Variants in KDM4C observed in about 807,000 individuals in gnomAD.
KDM4C encodes lysine-specific demethylase 4C.
In KDM4C, 81 loss-of-function variants were observed where a neutral mutation model predicts 129.3. That is an observed-to-expected ratio of 0.63 (90% confidence interval 0.52 to 0.75). The LOEUF is 0.75. KDM4C is among the 30% of genes least tolerant of loss of function. The pLI is 0.00. For synonymous variants in KDM4C, 573 were observed against 456.1 expected, an observed-to-expected ratio of 1.26 and a Z score of -3.26; for missense variants, 1,457 against 1,304.0, an observed-to-expected ratio of 1.12 and a Z score of -1.81.
chr9:6,938,756 A>T (rs183558538), intron 8 of KDM4C, among the ~76,000 whole-genome samples: 1 of 152,244 alleles, frequency 6.6e-6, no homozygotes, highest in Admixed American at 6.5e-5. Flanking sequence ...TATGCAAATC[A>T]TGGTTTTAGG....
At chr9:6,895,577 CA>C (rs1816280307) in intron 8 of KDM4C, among the ~76,000 whole-genome samples, 1 of 152,060 alleles carries the variant, frequency 6.6e-6, no homozygotes, top group Admixed American at 6.6e-5. Context: ...CCTACTACTA[CA>C]GGGGGTACCA....
At chr9:7,057,122 T>C (rs1187495450) in intron 17 of KDM4C, among the ~76,000 whole-genome samples, 3 of 152,244 alleles carry the variant, frequency 2.0e-5, no homozygotes, top group African/African-American at 7.2e-5. Context: ...TGTTTCATAT[T>C]TTAATATAAA....
Position 7,122,261 on chromosome 9 carries a change from A to ACT in KDM4C, c.2611-5804_2611-5803insTC, listed in dbSNP as rs747083483. ...ATGCCACACACACACACACACACAC[A>ACT]CACACTCTCTCTCTCTCTCTCTCTT... On this transcript the variant is annotated intron_variant, in intron 18 of 21. Transcript: ENST00000381309. Among the ~76,000 whole-genome samples, 388 of 137,216 alleles carry ACT rather than the reference A, an allele frequency of 2.8e-3. 2 individuals carry two copies. Among genetic ancestry groups the ACT allele is most frequent in the African/African-American group, 9.0e-3 (317 of 35,030 alleles). 90.0% of individuals were successfully genotyped at this position (137,216 alleles called of 152,430 possible).
At chr9:7,016,578 A>C (rs539386158) in intron 15 of KDM4C, among the ~76,000 whole-genome samples, 1 of 151,314 alleles carries the variant, frequency 6.6e-6, no homozygotes, top group East Asian at 2.0e-4. Flanking sequence ...GGCGCCTGCC[A>C]CCATGCCTGG....
At chr9:7,141,035 T>A (rs1841689743) in intron 19 of KDM4C, among the ~76,000 whole-genome samples, 1 of 152,190 alleles carries the variant, frequency 6.6e-6, no homozygotes. Context: ...CCAGACTGGG[T>A]GGGGCCTTGA....
At chr9:7,146,492 T>C (rs938988027) in intron 19 of KDM4C, among the ~76,000 whole-genome samples, 14 of 152,242 alleles carry the variant, frequency 9.2e-5, no homozygotes, top group African/African-American at 2.9e-4. Context: ...CTCTGGAATA[T>C]AGGAACCATA....
chr9:6,782,546 A>G (rs1193473924), intron 1 of KDM4C, among the ~76,000 whole-genome samples: 5 of 152,198 alleles, frequency 3.3e-5, no homozygotes, highest in Admixed American at 2.6e-4. Flanking sequence ...CACAGAAGGT[A>G]TTCGTAACGG....
At chr9:6,854,476 G>A (rs1839401313) in intron 5 of KDM4C, among the ~76,000 whole-genome samples, 1 of 135,448 alleles carries the variant, frequency 7.4e-6, no homozygotes, top group East Asian at 2.2e-4. Context: ...GGTGAGCTGA[G>A]ATCGCGCCAT....
intron 19 of KDM4C, among the ~76,000 whole-genome samples, chr9:7,134,770 A>G (rs1446886992): frequency 2.6e-5 from 4 of 152,230 alleles, no homozygotes; most frequent in African/African-American, 9.6e-5. Context: ...ATAATCATAG[A>G]ATCTGAAGGC....
chr9:7,134,640 C>CA (rs1841000817), intron 19 of KDM4C, among the ~76,000 whole-genome samples: 1 of 152,170 alleles, frequency 6.6e-6, no homozygotes, highest in African/African-American at 2.4e-5. Flanking sequence ...ATAATATTTA[C>CA]AGAACACAGA....
At chr9:6,905,414 G>A (rs1336642862) in intron 8 of KDM4C, among the ~76,000 whole-genome samples, 10 of 152,154 alleles carry the variant, frequency 6.6e-5, no homozygotes, top group Admixed American at 4.6e-4. Flanking sequence ...TACAACTACA[G>A]CCATTAGTTT....
chr9:6,768,535 C>G (rs1478747706), intron 1 of KDM4C, among the ~76,000 whole-genome samples: 1 of 152,100 alleles, frequency 6.6e-6, no homozygotes, highest in Non-Finnish European at 1.5e-5. Flanking sequence ...GAAATTAACA[C>G]TGATACATTA....
rs527960127 is a variant in KDM4C, at chr9:6,732,141, C to A, written c.49+11144C>A. Among the ~76,000 whole-genome samples the A allele has an allele frequency of 9.4e-3, 1,424 of 151,120 alleles. 12 individuals are homozygous for A. Among genetic ancestry groups the A allele is most frequent in the Non-Finnish European group, 0.012 (836 of 67,784 alleles). On this transcript the variant is annotated intron_variant, in intron 1 of 17. Transcript: ENST00000536108. ...CCAGCACTTGGGAGGCCAAGGTGGG[C>A]GGATCACGAGGTCAGGAGATTGAGA... is the stretch of plus-strand genomic sequence containing the variant.
At chr9:7,004,584 C>T (rs369358251) in intron 12 of KDM4C, among the ~76,000 whole-genome samples, 1 of 152,014 alleles carries the variant, frequency 6.6e-6, no homozygotes, top group Non-Finnish European at 1.5e-5. Context: ...ATAGCTATGC[C>T]ATAATTTATT....
At chr9:7,019,203 T>C (rs1243551232) in intron 15 of KDM4C, among the ~76,000 whole-genome samples, 1 of 152,228 alleles carries the variant, frequency 6.6e-6, no homozygotes, top group Non-Finnish European at 1.5e-5. Context: ...TAATTTTTAC[T>C]AAACACTTAA....
chr9:6,764,005 C>T (rs1006811503), intron 1 of KDM4C, among the ~76,000 whole-genome samples: 10 of 152,150 alleles, frequency 6.6e-5, no homozygotes, highest in Non-Finnish European at 1.0e-4. Context: ...GTGATCCATC[C>T]GCCTCGGCCT....
chr9:6,781,659 T>C (rs1824358988), intron 1 of KDM4C, among the ~76,000 whole-genome samples: 1 of 152,144 alleles, frequency 6.6e-6, no homozygotes, highest in African/African-American at 2.4e-5. Flanking sequence ...GACCATAGAA[T>C]GGACACTTGT....
rs1436207382 is a variant in KDM4C at position 6,724,594 on chromosome 9, G to A, written c.49+3597G>A. Among the ~76,000 whole-genome samples the A allele has an allele frequency of 1.3e-4, 20 of 152,010 alleles. 1 individual carries two copies. On this transcript the variant is annotated intron_variant, in intron 1 of 17. Coordinates refer to the KDM4C transcript ENST00000536108. ...CGCCCAGGCTGGAGTGCAGTGGCAC[G>A]ATCTCGGCTCACTGCAACCTCTGTC...
chr9:7,079,278 A>G (rs1834263321), intron 17 of KDM4C, among the ~76,000 whole-genome samples: 1 of 152,216 alleles, frequency 6.6e-6, no homozygotes, highest in Non-Finnish European at 1.5e-5. Flanking sequence ...GTTGAAGTAA[A>G]GAATAGCCCC....
Sources: allele counts gnomAD v4.1 joint callset (sites outside exome capture counted in the v4.1 genomes callset), GRCh38; gene constraint gnomAD v4.1.1; transcripts MANE v1.5; gene names NCBI Gene and HGNC (gene_info 2026-07-23, HGNC 2026-07-21).